The following FGF12 variants were observed in gnomAD, a reference collection of about 807,000 sequenced individuals.
FGF12 encodes fibroblast growth factor 12B.
Under a neutral mutation model 23.6 loss-of-function variants are expected in FGF12, and 14 were observed. The observed-to-expected ratio is 0.59, with a 90% CI of 0.39 to 0.93. The LOEUF (loss-of-function observed/expected upper bound fraction) is 0.93, where lower values mean the gene tolerates loss of function less well. FGF12 is among the 40% of genes least tolerant of loss of function. The pLI is 0.00. For missense variants in FGF12, 175 were observed against 217.8 expected (o/e 0.80, Z 1.24); for synonymous variants, 62 against 77.3 (o/e 0.80, Z 1.04).
At chr3:192,214,819 A>G (rs1718107271) in intron 4 of FGF12, among the ~76,000 whole-genome samples, 2 of 152,388 alleles carry the variant, frequency 1.3e-5, no homozygotes, top group East Asian at 1.9e-4. Context: ...GAATGATTTT[A>G]GGAACTTGCA....
chr3:192,685,241 T>C (rs146773555), intron 2 of FGF12, among the ~76,000 whole-genome samples: 5,318 of 152,056 alleles, frequency 0.035, 324 homozygotes, highest in African/African-American at 0.12. Context: ...TTAGTAGAGA[T>C]GGGGTTTCAC....
chr3:192,368,493 C>A (rs1392254257), intron 2 of FGF12, among the ~76,000 whole-genome samples: 2 of 151,944 alleles, frequency 1.3e-5, no homozygotes. Flanking sequence ...AGGAAGGAAA[C>A]CATTAAGGAT....
At chr3:192,423,402 G>A (rs1215789917) in intron 2 of FGF12, among the ~76,000 whole-genome samples, 1 of 152,070 alleles carries the variant, frequency 6.6e-6, no homozygotes, top group Non-Finnish European at 1.5e-5. Context: ...GCATTAAGTC[G>A]CTAAATTCTC....
At chr3:192,279,321 T>C (rs1323536123) in intron 4 of FGF12, among the ~76,000 whole-genome samples, 1 of 151,380 alleles carries the variant, frequency 6.6e-6, no homozygotes, top group Non-Finnish European at 1.5e-5. Flanking sequence ...AATATGTCTC[T>C]CATTTCATAG....
chr3:192,519,687 G>A (rs77398611), intron 2 of FGF12, among the ~76,000 whole-genome samples: 5,161 of 152,196 alleles, frequency 0.034, 257 homozygotes, highest in African/African-American at 0.11. Context: ...CAGTTTGCCC[G>A]GCAGTGACTT....
intron 2 of FGF12, among the ~76,000 whole-genome samples, chr3:192,379,737 T>C (rs2108752196): frequency 6.6e-6 from 1 of 152,330 alleles, no homozygotes; most frequent in Middle Eastern, 3.4e-3. Context: ...TCACCACACT[T>C]TGGAAGCAAT....
chr3:192,714,814 G>A (rs1024172115), intron 2 of FGF12, among the ~76,000 whole-genome samples: 9 of 152,186 alleles, frequency 5.9e-5, no homozygotes, highest in East Asian at 5.8e-4. Flanking sequence ...CACCGCGCCC[G>A]GCCAAGGAAA....
chr3:192,154,072 C>T (rs1332478580), intron 5 of FGF12, among the ~76,000 whole-genome samples: 2 of 115,268 alleles, frequency 1.7e-5, no homozygotes, highest in Non-Finnish European at 1.9e-5. Context: ...ATTTCATCTT[C>T]CATTGCTGAT....
At chr3:192,614,032 T>C (rs1170505830) in intron 2 of FGF12, among the ~76,000 whole-genome samples, 1 of 151,940 alleles carries the variant, frequency 6.6e-6, no homozygotes, top group African/African-American at 2.4e-5. Context: ...TTTCTTGTCC[T>C]TCCCCATTGC....
chr3:192,580,303 T>C (rs924668409), intron 2 of FGF12, among the ~76,000 whole-genome samples: 9 of 150,750 alleles, frequency 6.0e-5, no homozygotes, highest in African/African-American at 1.7e-4. Flanking sequence ...GAATTTATCA[T>C]GGAGTCAACA....
intron 2 of FGF12, among the ~76,000 whole-genome samples, chr3:192,397,491 G>A (rs373036099): frequency 2.6e-5 from 4 of 152,008 alleles, no homozygotes; most frequent in Non-Finnish European, 4.4e-5. Flanking sequence ...AGCTAGAGTC[G>A]AGTTGCAAAA....
intron 2 of FGF12, among the ~76,000 whole-genome samples, chr3:192,386,563 C>T (rs375907941): frequency 6.6e-6 from 1 of 152,072 alleles, no homozygotes; most frequent in African/African-American, 2.4e-5. Flanking sequence ...GTTCTGTCTC[C>T]CAGCTGGAAT....
At chr3:192,241,445 C>G (rs929224958) in intron 4 of FGF12, among the ~76,000 whole-genome samples, 1 of 151,784 alleles carries the variant, frequency 6.6e-6, no homozygotes, top group African/African-American at 2.4e-5. Context: ...ATGTAATTAA[C>G]CGAAATCAAG....
At chr3:192,337,753 T>C (rs1019546741) in intron 3 of FGF12, among the ~76,000 whole-genome samples, 1 of 152,182 alleles carries the variant, frequency 6.6e-6, no homozygotes, top group Non-Finnish European at 1.5e-5. Flanking sequence ...TTCACAGAGA[T>C]GTATCCTCTC....
At chr3:192,509,935 C>T (rs554420458) in intron 2 of FGF12, among the ~76,000 whole-genome samples, 1 of 152,184 alleles carries the variant, frequency 6.6e-6, no homozygotes, top group African/African-American at 2.4e-5. Flanking sequence ...TTAGATAATA[C>T]ACTAACTTAA....
chr3:192,406,472 C>G (rs1289076749), intron 2 of FGF12, among the ~76,000 whole-genome samples: 1 of 152,042 alleles, frequency 6.6e-6, no homozygotes, highest in Non-Finnish European at 1.5e-5. Context: ...AGAAGGCCTC[C>G]AAATTATCCC....
chr3:192,666,957 A>C (rs562692415), intron 2 of FGF12, among the ~76,000 whole-genome samples: 1 of 151,804 alleles, frequency 6.6e-6, no homozygotes, highest in South Asian at 2.1e-4. Context: ...ATAGATAGAT[A>C]GACATAAAGA....
intron 2 of FGF12, among the ~76,000 whole-genome samples, chr3:192,455,368 G>A (rs1283874310): frequency 1.3e-5 from 2 of 152,206 alleles, no homozygotes; most frequent in East Asian, 1.9e-4. Context: ...AAGAAACTGA[G>A]AGTACAGAAG....
At chr3:192,720,312 A>G (rs143548941) in intron 2 of FGF12, among the ~76,000 whole-genome samples, 239 of 152,370 alleles carry the variant, frequency 1.6e-3, no homozygotes, top group African/African-American at 5.3e-3. Context: ...GCTAAAGAAA[A>G]AAGAAAAGAT....
Sources: allele counts gnomAD v4.1 joint callset (sites outside exome capture counted in the v4.1 genomes callset), GRCh38; gene constraint gnomAD v4.1.1; transcripts MANE v1.5; gene names NCBI Gene and HGNC (gene_info 2026-07-23, HGNC 2026-07-21).